Variants in CLCN3 observed in about 807,000 individuals in gnomAD.
CLCN3 encodes H(+)/Cl(-) exchange transporter 3.
A neutral mutation model predicts 83.4 loss-of-function variants in CLCN3; 16 were observed. The ratio of observed to expected loss-of-function variants is 0.19; its 90% CI spans 0.13 to 0.29. The LOEUF (loss-of-function observed/expected upper bound fraction) is 0.29, where lower values mean the gene tolerates loss of function less well. CLCN3 is among the 10% of genes least tolerant of loss of function. CLCN3 has a pLI of 1.00. For missense variants in CLCN3, 544 were observed against 1,006.0 expected (o/e 0.54, Z 6.21); for synonymous variants, 322 against 346.2 (o/e 0.93, Z 0.78).
rs1461406848 is a variant in CLCN3 at position 169,719,832 on chromosome 4, G to T, written c.2367-75G>T. Reference sequence around the variant, plus strand: ...TTGCTCTATTCCTGTCAACAAAAAGGATTTAGCTATAGATTTAGCTTCTCC... The same window carrying T: ...TTGCTCTATTCCTGTCAACAAAAAGTATTTAGCTATAGATTTAGCTTCTCC... On this transcript the variant is annotated intron_variant, in intron 12 of 12. Transcript: ENST00000513761. The T allele has an allele frequency of 1.1e-4, 138 of 1,220,702 alleles. 1 individual carries two copies. The East Asian group carries it at 1.2e-3, about 10-fold the overall frequency. The allele number at this position is 1,220,702 out of a possible 1,614,324, so 75.6% of individuals were successfully genotyped here. A position where few individuals can be genotyped will look rare whatever the true frequency, so the allele number is the denominator to read the frequency against.
At chr4:169,651,825 C>T (rs1424000348) in intron 2 of CLCN3, among the ~76,000 whole-genome samples, 3 of 152,098 alleles carry the variant, frequency 2.0e-5, no homozygotes, top group Admixed American at 1.3e-4. Context: ...ACCTATTTTA[C>T]ACAGTTCTGA....
At chr4:169,705,865 G>T (rs1306575689) in intron 10 of CLCN3, among the ~76,000 whole-genome samples, 1 of 151,976 alleles carries the variant, frequency 6.6e-6, no homozygotes, top group Non-Finnish European at 1.5e-5. Context: ...AAGATAAAAT[G>T]GTATTATAAT....
At chr4:169,685,979 A>G (rs530519946) in intron 3 of CLCN3, among the ~76,000 whole-genome samples, 2 of 152,262 alleles carry the variant, frequency 1.3e-5, no homozygotes, top group African/African-American at 2.4e-5. Context: ...TGTGACTTCA[A>G]ATAGACCCGA....
chr4:169,638,596 G>A (rs957107623), intron 2 of CLCN3, among the ~76,000 whole-genome samples: 1 of 151,914 alleles, frequency 6.6e-6, no homozygotes, highest in Non-Finnish European at 1.5e-5. Flanking sequence ...TGTTTAAATA[G>A]CTCTTTAGCC....
intron 4 of CLCN3, 105 bp from the exon 5 acceptor site, chr4:169,688,938 C>T (rs768271715): frequency 1.4e-5 from 12 of 837,334 alleles, no homozygotes; most frequent in African/African-American, 5.3e-5. Context: ...ATAAATGACC[C>T]TTTATTTAGG....
At chr4:169,646,963 T>C (rs959587258) in intron 2 of CLCN3, among the ~76,000 whole-genome samples, 4 of 152,264 alleles carry the variant, frequency 2.6e-5, no homozygotes, top group African/African-American at 9.6e-5. Context: ...TTTAATATTA[T>C]ATGTGAGAGT....
chr4:169,643,053 A>G (rs1466823400), intron 2 of CLCN3: 1 of 152,240 alleles, frequency 6.6e-6, no homozygotes, highest in Non-Finnish European at 1.5e-5. Flanking sequence ...CAGTGATTTT[A>G]GAATTATAAC....
In CLCN3 at chr4:169,720,253, A is replaced by G. The variant is rs1252918939; in HGVS notation, c.*256A>G. 31 of 573,166 alleles carry G rather than the reference A, an allele frequency of 5.4e-5. No individual in the cohort carries two copies. The highest frequency in any genetic ancestry group is 1.8e-4 in the East Asian group (6 of 33,630). The allele number at this position is 573,166 out of a possible 1,614,324, so 35.5% of individuals were successfully genotyped here. On this transcript the variant is annotated 3_prime_UTR_variant, in exon 13 of 13. Coordinates refer to ENST00000513761, the MANE Select transcript of CLCN3 (RefSeq NM_001829.4). ...AACAGAAAGCAGCGTATCAACTCCT[A>G]TTGTTCTGCACTGGATGCATTCAGC...
At chr4:169,717,838 G>A (rs766664000) in intron 12 of CLCN3, 8 of 1,613,050 alleles carry the variant, frequency 5.0e-6, no homozygotes, top group Non-Finnish European at 5.9e-6. Context: ...AGAGCATCTC[G>A]AGCAACTAAA....
chr4:169,715,988 CA>C (rs1733408991), intron 12 of CLCN3, among the ~76,000 whole-genome samples: 1 of 152,058 alleles, frequency 6.6e-6, no homozygotes, highest in Non-Finnish European at 1.5e-5. Flanking sequence ...TTTGAAAATG[CA>C]ACTATTTTTG....
intron 3 of CLCN3, among the ~76,000 whole-genome samples, chr4:169,683,713 AT>A (rs1162363848): frequency 1.3e-5 from 2 of 150,884 alleles, no homozygotes; most frequent in African/African-American, 4.9e-5. Flanking sequence ...AATTCCACAC[AT>A]TTATATACTT....
intron 11 of CLCN3, among the ~76,000 whole-genome samples, chr4:169,709,030 CAT>C (rs937461986): frequency 6.8e-6 from 1 of 147,520 alleles, no homozygotes; most frequent in Non-Finnish European, 1.5e-5. Flanking sequence ...TATAAAAAAA[CAT>C]ATCTATATAT....
chr4:169,709,054 A>G lies in CLCN3; in HGVS notation c.2149+1788A>G, dbSNP rs1278288180. Among the ~76,000 whole-genome samples, 10 of 148,338 alleles carry G rather than the reference A, an allele frequency of 6.7e-5. No homozygotes were observed. In the Admixed American group the frequency reaches 6.8e-4, roughly 10 times the overall value. ...ACATATCTATATATGAAAATTATGTACGTAAATGTTAATTTATAATTAATT... is the reference window on the plus strand; with the variant it reads ...ACATATCTATATATGAAAATTATGTGCGTAAATGTTAATTTATAATTAATT... On this transcript the variant is annotated intron_variant, in intron 11 of 12. Transcript: ENST00000513761.
At chr4:169,677,417 T>C (rs1465212951) in intron 2 of CLCN3, among the ~76,000 whole-genome samples, 1 of 152,234 alleles carries the variant, frequency 6.6e-6, no homozygotes, top group Non-Finnish European at 1.5e-5. Flanking sequence ...TCTGCTACTA[T>C]GGCAGAATTG....
Position 169,704,303 on chromosome 4 carries a change from G to C in CLCN3, c.1750+119G>C, listed in dbSNP as rs990916577. 9 of 825,696 alleles carry C rather than the reference G, an allele frequency of 1.1e-5. No homozygotes were observed. The Admixed American group carries it at 2.3e-4, about 21-fold the overall frequency. 51.1% of individuals were successfully genotyped at this position (825,696 alleles called of 1,614,324 possible). A position where few individuals can be genotyped will look rare whatever the true frequency, so the allele number is the denominator to read the frequency against. ...TTGGTTGAGTAAAGGAGGGTGCCAG[G>C]AGGAGATGTTTTAACAGATAAGAAA... On this transcript the variant is annotated intron_variant, in intron 10 of 12. Transcript: ENST00000513761.
rs776426302 is a variant in CLCN3 at position 169,702,826 on chromosome 4, T to TAGTCCCA, written c.1564-1171_1564-1165dup. Reference sequence around the variant, plus strand: ...AGCCAGGTGTGGTGGTGCACGCCTGTAGTCCCAGCTACTCACGAGGCTGAG... The same window carrying TAGTCCCA: ...AGCCAGGTGTGGTGGTGCACGCCTGTAGTCCCAAGTCCCAGCTACTCACGAGGCTGAG... On this transcript the variant is annotated intron_variant, in intron 9 of 12. Coordinates refer to ENST00000513761, the MANE Select transcript of CLCN3 (RefSeq NM_001829.4). 3.2e-4 allele frequency: 91 copies of TAGTCCCA among 282,804 alleles called. 1 individual carries two copies. Among genetic ancestry groups the TAGTCCCA allele is most frequent in the African/African-American group, 1.9e-3 (88 of 46,190 alleles). 17.5% of individuals were successfully genotyped at this position (282,804 alleles called of 1,614,324 possible).
chr4:169,636,135 TAATA>T (rs1204912744), intron 2 of CLCN3, 47 bp downstream of exon 2: 2 of 1,504,618 alleles, frequency 1.3e-6, no homozygotes, highest in Non-Finnish European at 9.1e-7. Flanking sequence ...GAATATCCAC[TAATA>T]AATATGTACA....
At chr4:169,638,292 C>T (rs1453261304) in intron 2 of CLCN3, among the ~76,000 whole-genome samples, 1 of 152,132 alleles carries the variant, frequency 6.6e-6, no homozygotes, top group African/African-American at 2.4e-5. Context: ...CCTCTTTTTA[C>T]CCCTTTCTGC....
At chr4:169,676,073 T>A (rs758548844) in intron 2 of CLCN3, among the ~76,000 whole-genome samples, 5 of 152,322 alleles carry the variant, frequency 3.3e-5, no homozygotes, top group Admixed American at 2.0e-4. Flanking sequence ...TGTCTCATGT[T>A]TGGTCATACT....
Sources: gnomAD v4.1 joint callset for allele counts (sites outside exome capture counted in the v4.1 genomes callset) on GRCh38, gnomAD v4.1.1 for gene constraint, MANE v1.5 for transcripts, NCBI Gene and HGNC (gene_info 2026-07-23, HGNC 2026-07-21) for gene names.